LRRC8D: variants seen among roughly 807,000 people sequenced by gnomAD.
LRRC8D encodes leucine rich repeat containing 8 VRAC subunit D, also known as volume-regulated anion channel subunit LRRC8D.
LRRC8D carries 20 observed loss-of-function variants against 55.8 expected under a neutral mutation model. The observed-to-expected ratio is 0.36, with a 90% CI of 0.25 to 0.52. LRRC8D has a LOEUF of 0.52. Ranked by LOEUF, LRRC8D falls within the 20% of genes least tolerant of loss-of-function variation. LRRC8D has a pLI of 0.93. For synonymous variants in LRRC8D, 352 were observed against 377.0 expected (o/e 0.93, Z 0.77); for missense variants, 651 against 1,030.8 (o/e 0.63, Z 5.05).
chr1:89,926,350 A>G (rs1306001031), intron 2 of LRRC8D, among the ~76,000 whole-genome samples: 1 of 152,250 alleles, frequency 6.6e-6, no homozygotes, highest in African/African-American at 2.4e-5. Flanking sequence ...ACTGCTTATC[A>G]TCCTGCATTA....
intron 2 of LRRC8D, among the ~76,000 whole-genome samples, chr1:89,862,991 A>G (rs1661760256): frequency 6.6e-6 from 1 of 152,204 alleles, no homozygotes; most frequent in Admixed American, 6.5e-5. Context: ...TGTTATTATA[A>G]AAGTAATAAA....
intron 2 of LRRC8D, among the ~76,000 whole-genome samples, chr1:89,870,823 G>A (rs1236190986): frequency 1.3e-5 from 2 of 152,166 alleles, no homozygotes; most frequent in South Asian, 4.1e-4. Flanking sequence ...TTGGAAATAG[G>A]TACCCTTTCC....
chr1:89,917,765 G>T (rs2100962058), intron 2 of LRRC8D, among the ~76,000 whole-genome samples: 1 of 152,242 alleles, frequency 6.6e-6, no homozygotes, highest in African/African-American at 2.4e-5. Flanking sequence ...CTGTCTTTAA[G>T]AAAAATAAAA....
At chr1:89,891,897 T>C (rs1208032489) in intron 2 of LRRC8D, among the ~76,000 whole-genome samples, 1 of 152,132 alleles carries the variant, frequency 6.6e-6, no homozygotes, top group East Asian at 1.9e-4. Flanking sequence ...TCTGTCATCA[T>C]CCCCCTGCCC....
At chr1:89,841,900 C>T (rs1661141770) in intron 1 of LRRC8D, among the ~76,000 whole-genome samples, 1 of 152,138 alleles carries the variant, frequency 6.6e-6, no homozygotes, top group Admixed American at 6.5e-5. Flanking sequence ...GGTTGCTGTG[C>T]TGGACTTTCT....
intron 2 of LRRC8D, among the ~76,000 whole-genome samples, chr1:89,846,012 C>G (rs1402625991): frequency 6.6e-6 from 1 of 152,122 alleles, no homozygotes; most frequent in Admixed American, 6.5e-5. Flanking sequence ...AACTCCTCAC[C>G]CCATGATCCA....
intron 2 of LRRC8D, among the ~76,000 whole-genome samples, chr1:89,877,319 T>C (rs150708861): frequency 6.6e-6 from 1 of 152,314 alleles, no homozygotes; most frequent in East Asian, 1.9e-4. Context: ...TTGGTCAAGT[T>C]ACTTAGCTTC....
rs6678770 is a variant in LRRC8D at position 89,911,463 on chromosome 1, G to A, written c.-2-21604G>A. On this transcript the variant is annotated intron_variant, in intron 2 of 2. Coordinates refer to ENST00000337338, the MANE Select transcript of LRRC8D (RefSeq NM_001134479.2). The surrounding 1 kb of genome is among the most constrained non-coding windows in gnomAD (Gnocchi z 4.0). ...TATAGCTCCTTGTCGAAATGTGTTT[G>A]TATAATTTGACTTTATGTTCAAAAT... Among the ~76,000 whole-genome samples the A allele has an allele frequency of 0.02, 3,035 of 152,160 alleles. 43 individuals carry two copies. Among genetic ancestry groups the A allele is most frequent in the Non-Finnish European group, 0.032 (2,177 of 67,988 alleles).
intron 2 of LRRC8D, among the ~76,000 whole-genome samples, chr1:89,887,076 G>A (rs1220782498): frequency 6.6e-6 from 1 of 152,036 alleles, no homozygotes; most frequent in East Asian, 1.9e-4. Flanking sequence ...TAAAATGTGG[G>A]AGAATAAATG....
chr1:89,865,099 A>G (rs576714057), intron 2 of LRRC8D, among the ~76,000 whole-genome samples: 1 of 152,188 alleles, frequency 6.6e-6, no homozygotes, highest in African/African-American at 2.4e-5. Context: ...TTCAAGCCCC[A>G]TAAGGGCATA....
intron 2 of LRRC8D, among the ~76,000 whole-genome samples, chr1:89,901,258 A>G (rs1662842681): frequency 6.6e-6 from 1 of 152,076 alleles, no homozygotes; most frequent in Non-Finnish European, 1.5e-5. Context: ...CGTAAAGGAG[A>G]TGTGCTGAGT....
chr1:89,823,497 G>T (rs776326727), intron 1 of LRRC8D, among the ~76,000 whole-genome samples: 2 of 152,240 alleles, frequency 1.3e-5, no homozygotes, highest in East Asian at 3.9e-4. Flanking sequence ...AATTAGACTC[G>T]ATTCTGTTCT....
chr1:89,843,424 G>A (rs1301944588), intron 1 of LRRC8D: 1 of 346,254 alleles, frequency 2.9e-6, no homozygotes, highest in Non-Finnish European at 5.1e-6. Flanking sequence ...GCCACCAGCA[G>A]GGGGGGCCCG....
Position 89,935,762 on chromosome 1 carries a change from A to G in LRRC8D, c.*117A>G. On this transcript the variant is annotated 3_prime_UTR_variant, in exon 3 of 3. Transcript: ENST00000337338. ...GAGTAGATACATCTTTTAAAATAAA[A>G]CAGAGAGGATGCATAGAAGGCTGAT... 1.1e-6 allele frequency: 1 copy of G among 884,682 alleles called. No homozygotes were observed. The highest frequency in any genetic ancestry group is 1.7e-6 in the Non-Finnish European group (1 of 575,394). The allele number at this position is 884,682 out of a possible 1,614,324, so 54.8% of individuals were successfully genotyped here.
rs138913645 is a variant in LRRC8D, at chr1:89,913,289, G to A, written c.-2-19778G>A. 2.6e-5 allele frequency among the ~76,000 whole-genome samples: 4 copies of A among 152,350 alleles called. No homozygotes were observed. In the East Asian group the frequency reaches 5.8e-4, roughly 22 times the overall value. On this transcript the variant is annotated intron_variant, in intron 2 of 2. Transcript: ENST00000337338. ...CCTTTGCACCTAGCTAAACTGGGTGGTGATGGTGGCAGGTGTATGTTACTA... is the reference window on the plus strand; with the variant it reads ...CCTTTGCACCTAGCTAAACTGGGTGATGATGGTGGCAGGTGTATGTTACTA...
intron 2 of LRRC8D, among the ~76,000 whole-genome samples, chr1:89,914,699 GTT>G (rs397945689): frequency 7.5e-5 from 10 of 133,904 alleles, no homozygotes; most frequent in Non-Finnish European, 8.1e-5. Flanking sequence ...AGTTATCACA[GTT>G]TTTTTTTTTT....
intron 1 of LRRC8D, among the ~76,000 whole-genome samples, chr1:89,826,245 AATTTTATTTTATTTT>A (rs10544709): frequency 3.4e-5 from 5 of 149,072 alleles, no homozygotes; most frequent in South Asian, 2.2e-4. Flanking sequence ...TCAACCCTTA[AATTTTATTTTATTTT>A]ATTTTATTTT....
chr1:89,869,037 G>A (rs1185301586), intron 2 of LRRC8D, among the ~76,000 whole-genome samples: 1 of 152,126 alleles, frequency 6.6e-6, no homozygotes, highest in Admixed American at 6.5e-5. Context: ...CTCCCAAGTA[G>A]CTGGGAGTAC....
At chr1:89,827,055 CAA>C (rs1165446774) in intron 1 of LRRC8D, among the ~76,000 whole-genome samples, 1 of 152,078 alleles carries the variant, frequency 6.6e-6, no homozygotes, top group Non-Finnish European at 1.5e-5. Flanking sequence ...TAGGCTTCAT[CAA>C]AAAGATTTTG....
Sources: gnomAD v4.1 joint callset for allele counts (sites outside exome capture counted in the v4.1 genomes callset) on GRCh38, gnomAD v4.1.1 for gene constraint, Gnocchi (gnomAD v3.1) non-coding constraint, MANE v1.5 for transcripts, NCBI Gene and HGNC (gene_info 2026-07-23, HGNC 2026-07-21) for gene names.